CTDSPL: variants seen among roughly 807,000 people sequenced by gnomAD.
CTDSPL encodes CTD small phosphatase like.
Under a neutral mutation model 30.5 loss-of-function variants are expected in CTDSPL, and 8 were observed. The ratio of observed to expected loss-of-function variants is 0.26; its 90% CI spans 0.15 to 0.47. The LOEUF (loss-of-function observed/expected upper bound fraction) is 0.47. Ranked by LOEUF, CTDSPL falls within the 20% of genes least tolerant of loss-of-function variation. The pLI, the probability that CTDSPL is intolerant of heterozygous loss-of-function variation, is 0.99. For missense variants in CTDSPL, 248 were observed against 366.1 expected, an observed-to-expected ratio of 0.68 and a Z score of 2.63; for synonymous variants, 110 against 137.9, an observed-to-expected ratio of 0.80 and a Z score of 1.42.
intron 1 of CTDSPL, among the ~76,000 whole-genome samples, chr3:37,913,100 C>A (rs1464214676): frequency 1.3e-5 from 2 of 152,164 alleles, no homozygotes; most frequent in African/African-American, 4.8e-5. Flanking sequence ...GCAGGCAAAT[C>A]GCTAGAGCCC....
At chr3:37,893,305 A>C (rs1382840514) in intron 1 of CTDSPL, among the ~76,000 whole-genome samples, 1 of 152,222 alleles carries the variant, frequency 6.6e-6, no homozygotes, top group Admixed American at 6.5e-5. Context: ...TGTGTTACCA[A>C]CAGGTTCTTT....
intron 1 of CTDSPL, among the ~76,000 whole-genome samples, chr3:37,925,016 A>C (rs1266683804): frequency 6.6e-6 from 1 of 152,000 alleles, no homozygotes; most frequent in Non-Finnish European, 1.5e-5. Flanking sequence ...CTCTGGTCTC[A>C]CCTAGTGATA....
chr3:37,951,882 T>C (rs766718837), intron 2 of CTDSPL, among the ~76,000 whole-genome samples: 5 of 152,156 alleles, frequency 3.3e-5, no homozygotes, highest in African/African-American at 4.8e-5. Flanking sequence ...ACATAAATAA[T>C]AGTCATAAAA....
intron 5 of CTDSPL, among the ~76,000 whole-genome samples, chr3:37,970,387 A>G (rs1052833674): frequency 3.3e-5 from 5 of 152,250 alleles, no homozygotes; most frequent in African/African-American, 1.2e-4. Context: ...TTCAAGGGCA[A>G]GGCCTGTGTT....
Position 37,944,883 on chromosome 3 carries a change from T to C in CTDSPL, c.80-2174T>C, listed in dbSNP as rs1454120967. On this transcript the variant is annotated intron_variant, in intron 1 of 7. Coordinates refer to ENST00000273179, the MANE Select transcript of CTDSPL (RefSeq NM_001008392.2). ...ACTAATTTACTGACTCCGTTAGCAG[T>C]GTGTAGCTTCTGTACAGTAAGTAAT... 4.7e-5 allele frequency: 7 copies of C among 150,530 alleles called. 1 individual carries two copies. The Admixed American group carries it at 4.7e-4, about 10-fold the overall frequency. The allele number at this position is 150,530 out of a possible 1,614,324, so 9.3% of individuals were successfully genotyped here. A position where few individuals can be genotyped will look rare whatever the true frequency, so the allele number is the denominator to read the frequency against.
intron 5 of CTDSPL, among the ~76,000 whole-genome samples, chr3:37,968,815 G>A (rs1699329883): frequency 6.6e-6 from 1 of 152,224 alleles, no homozygotes; most frequent in Non-Finnish European, 1.5e-5. Context: ...GCCAGGGAAG[G>A]GGTTGGTTAA....
chr3:37,970,335 T>C (rs1699352772), intron 5 of CTDSPL, among the ~76,000 whole-genome samples: 1 of 152,196 alleles, frequency 6.6e-6, no homozygotes, highest in South Asian at 2.1e-4. Flanking sequence ...CCATGTTTAT[T>C]TTTATATGTT....
chr3:37,978,868 C>T (rs1480926281), intron 7 of CTDSPL, among the ~76,000 whole-genome samples: 1 of 152,120 alleles, frequency 6.6e-6, no homozygotes, highest in Non-Finnish European at 1.5e-5. Context: ...GCCCATACTA[C>T]AGGGCAGAGC....
intron 2 of CTDSPL, among the ~76,000 whole-genome samples, chr3:37,948,328 G>A (rs1409344610): frequency 2.6e-5 from 4 of 152,050 alleles, no homozygotes; most frequent in Non-Finnish European, 5.9e-5. Flanking sequence ...ATAAGGATGA[G>A]CGAAGAGACC....
At chr3:37,898,178 T>A (rs529402319) in intron 1 of CTDSPL, among the ~76,000 whole-genome samples, 1 of 152,190 alleles carries the variant, frequency 6.6e-6, no homozygotes, top group Non-Finnish European at 1.5e-5. Flanking sequence ...GAAGGTCTTC[T>A]GTCAGGGAAC....
chr3:37,879,306 G>A (rs1456428299), intron 1 of CTDSPL, among the ~76,000 whole-genome samples: 1 of 152,238 alleles, frequency 6.6e-6, no homozygotes, highest in East Asian at 1.9e-4. Flanking sequence ...GACTGGACAA[G>A]TGGCTAACAT....
chr3:37,953,708 T>G (rs942346089), intron 2 of CTDSPL, among the ~76,000 whole-genome samples: 1 of 152,176 alleles, frequency 6.6e-6, no homozygotes, highest in Non-Finnish European at 1.5e-5. Context: ...GTCTAATACA[T>G]GAACTGTATA....
At chr3:37,877,248 T>C (rs1698146239) in intron 1 of CTDSPL, among the ~76,000 whole-genome samples, 1 of 152,160 alleles carries the variant, frequency 6.6e-6, no homozygotes, top group Non-Finnish European at 1.5e-5. Flanking sequence ...AAACTATTCA[T>C]TAAACAATAA....
chr3:37,952,683 C>T lies in CTDSPL; in HGVS notation c.235-4428C>T, dbSNP rs149082730. On this transcript the variant is annotated intron_variant, in intron 2 of 7. Transcript: ENST00000273179. ...ATAGCATACAGTTGACTTAGTCAAA[C>T]CAATTGGGTATAGCCATTTGTCACA... 2.5e-3 allele frequency among the ~76,000 whole-genome samples: 385 copies of T among 152,304 alleles called. 4 individuals carry two copies. Among genetic ancestry groups the T allele is most frequent in the African/African-American group, 8.3e-3 (345 of 41,548 alleles).
chr3:37,980,750 G>A lies in CTDSPL; in HGVS notation c.714G>A (p.Val238=). The A allele has an allele frequency of 2.5e-6, 4 of 1,614,232 alleles. No homozygotes were observed. In the South Asian group the frequency reaches 4.4e-5, roughly 18 times the overall value. The part of the protein sequence containing the change: ...YIFHPENAVP[V]QSWFDDMTDT... The stretch of plus-strand genomic sequence containing the variant: ...CATGCACTGTCTTCCAGGTGCCTGT[G>A]CAGTCCTGGTTCGATGACATGACGG... Residue 238 remains valine, a synonymous_variant, in exon 8 of 8, where the codon GTG becomes GTA. Coordinates refer to ENST00000273179, the MANE Select transcript of CTDSPL (RefSeq NM_001008392.2).
intron 1 of CTDSPL, among the ~76,000 whole-genome samples, chr3:37,933,798 G>C (rs1039993707): frequency 6.6e-6 from 1 of 152,174 alleles, no homozygotes; most frequent in Non-Finnish European, 1.5e-5. Context: ...GAATACATAT[G>C]GAGCTGCATC....
chr3:37,934,230 G>A (rs1698889238), intron 1 of CTDSPL, among the ~76,000 whole-genome samples: 1 of 152,098 alleles, frequency 6.6e-6, no homozygotes, highest in Non-Finnish European at 1.5e-5. Context: ...AGGAGGCTGA[G>A]GTGAGAAGAT....
Position 37,923,749 on chromosome 3 carries a change from C to T in CTDSPL, c.80-23308C>T, listed in dbSNP as rs183113721. Among the ~76,000 whole-genome samples, 142 of 151,558 alleles carry T rather than the reference C, an allele frequency of 9.4e-4. 1 individual carries two copies. The highest frequency in any genetic ancestry group is 3.4e-3 in the African/African-American group (140 of 41,316). The stretch of plus-strand genomic sequence containing the variant: ...TATTTCCATCTGAATGATTAACTGT[C>T]AGTTGATACAAAGAAGCTTTCTAAG... On this transcript the variant is annotated intron_variant, in intron 1 of 7. Transcript: ENST00000273179.
At chr3:37,879,033 T>C (rs1046698529) in intron 1 of CTDSPL, among the ~76,000 whole-genome samples, 4 of 151,958 alleles carry the variant, frequency 2.6e-5, no homozygotes, top group Admixed American at 6.6e-5. Flanking sequence ...GACACCTTTC[T>C]GGCCATCCAG....
Sources: allele counts gnomAD v4.1 joint callset (sites outside exome capture counted in the v4.1 genomes callset), GRCh38; gene constraint gnomAD v4.1.1; transcripts MANE v1.5; gene names NCBI Gene and HGNC (gene_info 2026-07-23, HGNC 2026-07-21).